SYNE1: variants seen among roughly 807,000 people sequenced by gnomAD.
The protein encoded by SYNE1 is spectrin repeat containing nuclear envelope protein 1.
SYNE1 carries 616 observed loss-of-function variants against 1,111.0 expected under a neutral mutation model. That is an observed-to-expected ratio of 0.55 (90% CI 0.52 to 0.59). The LOEUF is 0.59. Ranked by LOEUF, SYNE1 falls within the 20% of genes least tolerant of loss-of-function variation. The pLI is 0.00. For missense variants in SYNE1, 10,006 were observed against 10,417.0 expected (o/e 0.96, Z 1.72); for synonymous variants, 3,855 against 3,825.8 (o/e 1.01, Z -0.28).
At chr6:152,491,283 C>T (rs555566754) in intron 11 of SYNE1, among the ~76,000 whole-genome samples, 2 of 151,180 alleles carry the variant, frequency 1.3e-5, no homozygotes, top group Non-Finnish European at 1.5e-5. Context: ...ACTGTGGGGA[C>T]GCCTGCCTTG....
At chr6:152,316,790 A>C (rs1161998182) in intron 87 of SYNE1, 59 bp downstream of exon 87, 3 of 1,599,068 alleles carry the variant, frequency 1.9e-6, no homozygotes, top group Non-Finnish European at 2.6e-6. Flanking sequence ...GTGTCAGTCT[A>C]CCCAGTTAAA....
rs567658498 is a variant in SYNE1 at position 152,347,464 on chromosome 6, T to A, written c.11902-229A>T. 3.3e-5 allele frequency among the ~76,000 whole-genome samples: 5 copies of A among 152,290 alleles called. No individual in the cohort carries two copies. In the East Asian group the frequency reaches 9.7e-4, roughly 29 times the overall value. On this transcript the variant is annotated intron_variant, in intron 72 of 145. Coordinates refer to ENST00000367255, the MANE Select transcript of SYNE1 (RefSeq NM_182961.4). ...ATTAGTTACATAAGGAATGATGAAG[T>A]AACCTTTAACACTAGAATGTGTTCA...
intron 3 of SYNE1, among the ~76,000 whole-genome samples, chr6:152,586,564 C>A (rs920036720): frequency 3.3e-5 from 5 of 151,870 alleles, no homozygotes; most frequent in African/African-American, 1.2e-4. Context: ...TATTTGTACC[C>A]AATTATATTG....
In SYNE1 at chr6:152,325,206, C is replaced by A. The variant is rs375686353; in HGVS notation, c.15535G>T (p.Ala5179Ser). The A allele has an allele frequency of 2.6e-5, 42 of 1,614,024 alleles. No homozygotes were observed. In the African/African-American group the frequency reaches 4.8e-4, roughly 18 times the overall value. ...GTGGTCATTGACCTGCTCAGGGTGG[C>A]TTTGCTGGCATCATTTCCGGTTTTC... ...LEKTGNDASK[A>S]TLSRSMTTVW... is the part of the protein sequence containing the mutation. The change falls in exon 81 of 146, where the codon GCC (alanine) becomes TCC (serine). Residue 5179 changes from alanine to serine, a missense_variant. By Grantham distance (99) the Ala-to-Ser change is moderately conservative (BLOSUM62 1). Transcript: ENST00000367255.
At chr6:152,376,710 T>G (rs1472163665) in intron 57 of SYNE1, 66 bp downstream of exon 57, 14 of 1,600,820 alleles carry the variant, frequency 8.7e-6, no homozygotes, top group Non-Finnish European at 1.1e-5. Context: ...AATTACACCT[T>G]AAAATAAACT....
chr6:152,155,178 C>T, intron 132 of SYNE1, 136 bp from the exon 133 acceptor site: 1 of 984,588 alleles, frequency 1.0e-6, no homozygotes, highest in Non-Finnish European at 1.5e-6. Flanking sequence ...ATTCCTCGAG[C>T]CAAATTTGAC....
At chr6:152,385,563 A>G (rs1182869805) in intron 55 of SYNE1, 111 bp downstream of exon 55, 6 of 1,302,792 alleles carry the variant, frequency 4.6e-6, no homozygotes, top group Non-Finnish European at 6.5e-6. Context: ...CATCAAATAG[A>G]AAACAGGAAG....
chr6:152,455,448 T>C lies in SYNE1; in HGVS notation c.2870A>G (p.Glu957Gly), dbSNP rs773056328. The change falls in exon 24 of 146, where the codon GAG (glutamate) becomes GGG (glycine). Residue 957 changes from glutamate to glycine, a missense_variant. Coordinates refer to ENST00000367255, the MANE Select transcript of SYNE1 (RefSeq NM_182961.4). ...QEGLEEKGDP[E>G]ELLRRHTEFF... ...CACAGTGTGTCTCCGCAGGAGCTCC[T>C]CTGGATCCCCCTTTTCCTCCAGGCC... 6.2e-6 allele frequency: 10 copies of C among 1,614,008 alleles called. No individual in the cohort carries two copies. Among genetic ancestry groups the C allele is most frequent in the South Asian group, 5.5e-5 (5 of 91,084 alleles).
At chr6:152,340,939 T>C (rs1251745226) in intron 74 of SYNE1, among the ~76,000 whole-genome samples, 1 of 152,172 alleles carries the variant, frequency 6.6e-6, no homozygotes, top group Admixed American at 6.5e-5. Flanking sequence ...GATTACTACA[T>C]AAATAGGGAT....
At chr6:152,574,644 C>T (rs142238962) in intron 3 of SYNE1, among the ~76,000 whole-genome samples, 2 of 152,074 alleles carry the variant, frequency 1.3e-5, no homozygotes, top group Non-Finnish European at 1.5e-5. Context: ...AAGTAAATAC[C>T]GTAGTTGTTT....
chr6:152,277,745 A>T (rs546743734), intron 98 of SYNE1: 145 of 336,116 alleles, frequency 4.3e-4, no homozygotes, highest in African/African-American at 2.9e-3. Flanking sequence ...CTTATAGCTT[A>T]TCTCATTCCT....
In SYNE1 at chr6:152,300,704, A is replaced by T; in HGVS notation, c.17619T>A (p.Ile5873=). ...ESGEEGTNSE[I]SSPPACRSPS... Reference sequence around the variant, plus strand: ...GGGAGCGACAGGCAGGTGGAGAGGAAATCTCACTGTTGGTTCCCTCCTCCC... The same window carrying T: ...GGGAGCGACAGGCAGGTGGAGAGGATATCTCACTGTTGGTTCCCTCCTCCC... The change falls in exon 93 of 146, where the codon ATT becomes ATA. Residue 5873 remains isoleucine (I), a synonymous_variant. Transcript: ENST00000367255. 1 of 1,614,178 alleles carries T rather than the reference A, an allele frequency of 6.2e-7. No homozygotes were observed. The highest frequency in any genetic ancestry group is 8.5e-7 in the Non-Finnish European group (1 of 1,180,032).
Position 152,148,753 on chromosome 6 carries a change from G to A in SYNE1, c.24643-375C>T, listed in dbSNP as rs1397419560. On this transcript the variant is annotated intron_variant, in intron 136 of 145. Coordinates refer to ENST00000367255, the MANE Select transcript of SYNE1 (RefSeq NM_182961.4). The surrounding 1 kb of genome is among the most constrained non-coding windows in gnomAD (Gnocchi z 4.1). ...CTCAGTTTCATTGTTGGTAAAATGGGAATAACATTAAAACATACTTCAAAT... is the reference window on the plus strand; with the variant it reads ...CTCAGTTTCATTGTTGGTAAAATGGAAATAACATTAAAACATACTTCAAAT... 6.6e-6 allele frequency among the ~76,000 whole-genome samples: 1 copy of A among 151,606 alleles called. No homozygotes were observed. Among genetic ancestry groups the A allele is most frequent in the African/African-American group, 2.4e-5 (1 of 41,260 alleles).
At chr6:152,584,995 A>T (rs1361562392) in intron 3 of SYNE1, among the ~76,000 whole-genome samples, 1 of 152,192 alleles carries the variant, frequency 6.6e-6, no homozygotes, top group Admixed American at 6.5e-5. Context: ...CTTGAATTGT[A>T]GTTCCCGTAA....
At chr6:152,322,153 T>C (rs981778967) in intron 82 of SYNE1, among the ~76,000 whole-genome samples, 3 of 152,204 alleles carry the variant, frequency 2.0e-5, no homozygotes, top group African/African-American at 7.2e-5. Context: ...AGCCTGGAGA[T>C]TATTTCATTA....
intron 3 of SYNE1, among the ~76,000 whole-genome samples, chr6:152,549,241 T>C (rs1026278757): frequency 5.9e-5 from 9 of 152,222 alleles, no homozygotes; most frequent in African/African-American, 1.2e-4. Flanking sequence ...AGCATTTTCC[T>C]CAATATCGTA....
intron 82 of SYNE1, 27 bp downstream of exon 82, chr6:152,323,451 A>T (rs2095945404): frequency 1.2e-6 from 2 of 1,608,854 alleles, no homozygotes; most frequent in African/African-American, 2.7e-5. Context: ...CAAACAAACA[A>T]AAGAATGAAA....
In SYNE1 at chr6:152,323,481, A is replaced by G. The variant is rs1372898030; in HGVS notation, c.15914T>C (p.Leu5305Pro). Reference protein sequence around the residue: ...QEITAMQDRCLNMQEKVKTNG... With the variant: ...QEITAMQDRCPNMQEKVKTNG... ...ATGAAAGTAGGTGCTTAATTACTTC[A>G]GGCACCGATCTTGCATGGCGGTGAT... The change falls in exon 82 of 146, where the codon CTG becomes CCG. Residue 5305 changes from leucine to proline, a missense_variant. Coordinates refer to ENST00000367255, the MANE Select transcript of SYNE1 (RefSeq NM_182961.4). The G allele has an allele frequency of 6.2e-7, 1 of 1,613,500 alleles. No individual in the cohort carries two copies. The highest frequency in any genetic ancestry group is 2.2e-5 in the East Asian group (1 of 44,884).
intron 74 of SYNE1, among the ~76,000 whole-genome samples, chr6:152,341,616 T>C (rs1436150336): frequency 6.6e-6 from 1 of 152,128 alleles, no homozygotes; most frequent in East Asian, 1.9e-4. Context: ...ACGGGTGGTG[T>C]TGGGGATACA....
Sources: allele counts gnomAD v4.1 joint callset (sites outside exome capture counted in the v4.1 genomes callset), GRCh38; gene constraint gnomAD v4.1.1; non-coding constraint Gnocchi (gnomAD v3.1); transcripts MANE v1.5; gene names NCBI Gene and HGNC (gene_info 2026-07-23, HGNC 2026-07-21).